Variants in IQSEC1 observed in about 807,000 individuals in gnomAD.
IQSEC1 encodes the protein IQ motif and Sec7 domain ArfGEF 1, also known as IQ motif and SEC7 domain-containing protein 1.
Under a neutral mutation model 91.0 loss-of-function variants are expected in IQSEC1, and 31 were observed. The observed-to-expected ratio is 0.34, with a 90% CI of 0.26 to 0.46. The LOEUF (loss-of-function observed/expected upper bound fraction) is 0.46. Ranked by LOEUF, IQSEC1 falls within the 20% of genes least tolerant of loss-of-function variation. The pLI is 1.00. For synonymous variants in IQSEC1, 699 were observed against 662.6 expected (o/e 1.05, Z -0.84); for missense variants, 1,388 against 1,575.6 (o/e 0.88, Z 2.02).
chr3:12,944,757 G>A (rs879552505), intron 1 of IQSEC1, among the ~76,000 whole-genome samples: 3 of 152,202 alleles, frequency 2.0e-5, no homozygotes, highest in Admixed American at 6.5e-5. Flanking sequence ...GAAGCACAGA[G>A]ACAGACAAGC....
At position 12,899,485 on chromosome 3, in the gene IQSEC1, G is replaced by T. The variant is rs750296320; in HGVS notation, c.*1498C>A. The T allele has an allele frequency of 8.2e-6, 13 of 1,590,718 alleles. No homozygotes were observed. Among genetic ancestry groups the T allele is most frequent in the South Asian group, 6.8e-5 (6 of 88,396 alleles). On this transcript the variant is annotated 3_prime_UTR_variant, in exon 14 of 14. Coordinates refer to ENST00000613206, the MANE Select transcript of IQSEC1 (RefSeq NM_001134382.3). Reference sequence around the variant, plus strand: ...TCGGGCACAGACCTGCCGCGTGCAGGTCTGGCCCTGGGGAGCGCATGGTGT... The same window carrying T: ...TCGGGCACAGACCTGCCGCGTGCAGTTCTGGCCCTGGGGAGCGCATGGTGT...
chr3:13,101,624 G>C (rs1013373414), intron 2 of IQSEC1, among the ~76,000 whole-genome samples: 3 of 151,970 alleles, frequency 2.0e-5, no homozygotes, highest in African/African-American at 7.3e-5. Context: ...GGGAGAGGAA[G>C]GGGAGTCAGG....
chr3:13,268,279 C>T (rs148210206), intron 1 of IQSEC1, among the ~76,000 whole-genome samples: 13 of 152,374 alleles, frequency 8.5e-5, no homozygotes, highest in African/African-American at 2.9e-4. Flanking sequence ...ACTAGCTGTA[C>T]AACCCTAGAC....
chr3:13,184,459 C>T (rs1693897167), intron 1 of IQSEC1, among the ~76,000 whole-genome samples: 2 of 152,166 alleles, frequency 1.3e-5, no homozygotes, highest in Non-Finnish European at 2.9e-5. Context: ...GAAATGTCCT[C>T]AGCCTGATAA....
chr3:13,176,334 C>CG (rs1276549691), intron 1 of IQSEC1, among the ~76,000 whole-genome samples: 19 of 152,278 alleles, frequency 1.2e-4, no homozygotes, highest in East Asian at 7.7e-4. Flanking sequence ...CCAGACGGTT[C>CG]GGGGGTCTTT....
At chr3:13,113,789 T>A (rs1293171947) in intron 2 of IQSEC1, among the ~76,000 whole-genome samples, 1 of 152,136 alleles carries the variant, frequency 6.6e-6, no homozygotes, top group African/African-American at 2.4e-5. Flanking sequence ...GGCCATCCCG[T>A]CTTGGTGGCT....
At chr3:12,949,332 T>C (rs745346759) in intron 1 of IQSEC1, among the ~76,000 whole-genome samples, 3 of 152,200 alleles carry the variant, frequency 2.0e-5, no homozygotes, top group Admixed American at 6.5e-5. Context: ...CCACATCACA[T>C]GGCAAAGCCA....
At position 13,154,564 on chromosome 3, in the gene IQSEC1, A is replaced by G. The variant is rs914549533; in HGVS notation, c.302+9540T>C. 9.5e-5 allele frequency among the ~76,000 whole-genome samples: 14 copies of G among 148,118 alleles called. No homozygotes were observed. In the Admixed American group the frequency reaches 9.6e-4, roughly 10 times the overall value. ...GTGGTGCTTCAATACCCTGTTCTCC[A>G]TAACAATAGAACAACCAGACCGGAG... On this transcript the variant is annotated intron_variant, in intron 2 of 15. Coordinates refer to the IQSEC1 transcript ENST00000648114.
intron 1 of IQSEC1, among the ~76,000 whole-genome samples, chr3:12,949,371 C>A (rs1270695256): frequency 4.6e-5 from 7 of 152,268 alleles, no homozygotes; most frequent in Non-Finnish European, 8.8e-5. Flanking sequence ...GGGCCCCATG[C>A]TAGAGGAAGC....
intron 1 of IQSEC1, among the ~76,000 whole-genome samples, chr3:13,215,111 G>T (rs1382597144): frequency 6.6e-6 from 1 of 152,104 alleles, no homozygotes; most frequent in Non-Finnish European, 1.5e-5. Flanking sequence ...AAGAGAAGGT[G>T]ACTCTTTACC....
At chr3:12,907,977 T>G (rs1695159931) in intron 12 of IQSEC1, among the ~76,000 whole-genome samples, 1 of 152,002 alleles carries the variant, frequency 6.6e-6, no homozygotes. Context: ...TTCATCAGCA[T>G]GAAGCACAGG....
At chr3:12,934,736 T>C (rs780412823) in intron 3 of IQSEC1, among the ~76,000 whole-genome samples, 2 of 152,120 alleles carry the variant, frequency 1.3e-5, no homozygotes, top group Non-Finnish European at 2.9e-5. Context: ...GTGCTAAGAA[T>C]AGTCTGCTTT....
At chr3:13,165,578 G>GTGTGTCTGTCTGTC (rs1377649445) in intron 1 of IQSEC1, among the ~76,000 whole-genome samples, 15 of 105,750 alleles carry the variant, frequency 1.4e-4, no homozygotes, top group East Asian at 6.5e-4. Flanking sequence ...GTGTGTGTGT[G>GTGTGTCTGTCTGTC]TGTCTGTCTG....
At chr3:13,065,288 T>C (rs1445087658) in intron 1 of IQSEC1, among the ~76,000 whole-genome samples, 2 of 152,204 alleles carry the variant, frequency 1.3e-5, no homozygotes, top group Admixed American at 1.3e-4. Context: ...AGCACACATA[T>C]AAATGCACAG....
At chr3:13,006,247 G>C (rs186763181) in intron 1 of IQSEC1, among the ~76,000 whole-genome samples, 1 of 152,360 alleles carries the variant, frequency 6.6e-6, no homozygotes, top group South Asian at 2.1e-4. Flanking sequence ...GAAGGTGGCA[G>C]AGGTGATGGC....
At chr3:13,180,702 G>A (rs895176539) in intron 1 of IQSEC1, among the ~76,000 whole-genome samples, 1 of 144,294 alleles carries the variant, frequency 6.9e-6, no homozygotes, top group Non-Finnish European at 1.5e-5. Context: ...CTTCACTCCT[G>A]AAGCCAGCGA....
At chr3:13,058,570 C>T (rs565449238) in intron 1 of IQSEC1, among the ~76,000 whole-genome samples, 7 of 152,292 alleles carry the variant, frequency 4.6e-5, no homozygotes, top group African/African-American at 1.7e-4. Flanking sequence ...CCAGTCAGCA[C>T]CATCCAGGGG....
intron 1 of IQSEC1, among the ~76,000 whole-genome samples, chr3:13,173,630 GC>G (rs1693661558): frequency 6.6e-6 from 1 of 152,320 alleles, no homozygotes; most frequent in African/African-American, 2.4e-5. Context: ...CATTTGTCAG[GC>G]CCCTGCATGA....
At chr3:13,004,396 C>G (rs71306035) in intron 1 of IQSEC1, among the ~76,000 whole-genome samples, 2 of 152,066 alleles carry the variant, frequency 1.3e-5, no homozygotes, top group South Asian at 2.1e-4. Flanking sequence ...AGCTGGGGGC[C>G]GGGGGAGCGC....
Sources: allele counts gnomAD v4.1 joint callset (sites outside exome capture counted in the v4.1 genomes callset), GRCh38; gene constraint gnomAD v4.1.1; transcripts MANE v1.5; gene names NCBI Gene and HGNC (gene_info 2026-07-23, HGNC 2026-07-21).